The following PBLD variants were observed in gnomAD, a reference collection of about 807,000 sequenced individuals.
PBLD encodes the protein phenazine biosynthesis-like domain-containing protein.
In PBLD, 26 loss-of-function variants were observed where a neutral mutation model predicts 31.3. That is an observed-to-expected ratio of 0.83 (90% CI 0.61 to 1.15). The LOEUF (loss-of-function observed/expected upper bound fraction) is 1.15. PBLD is among the 50% of genes most tolerant of loss of function. The probability of loss-of-function intolerance (pLI) is 0.00; values close to 1 mark genes in which losing one functional copy is unlikely to be tolerated. For synonymous variants in PBLD, 114 were observed against 129.0 expected, an observed-to-expected ratio of 0.88 and a Z score of 0.79; for missense variants, 307 against 351.7, an observed-to-expected ratio of 0.87 and a Z score of 1.02.
At chr10:68,299,468 C>A (rs1363816970) in intron 2 of PBLD, among the ~76,000 whole-genome samples, 1 of 152,080 alleles carries the variant, frequency 6.6e-6, no homozygotes, top group East Asian at 1.9e-4. Context: ...GATTCAAAAT[C>A]TTTTGAAACA....
intron 4 of PBLD, among the ~76,000 whole-genome samples, chr10:68,293,792 T>C (rs1018624881): frequency 2.0e-5 from 3 of 151,992 alleles, no homozygotes; most frequent in African/African-American, 7.2e-5. Context: ...TTGGCCAACA[T>C]GGTAAAACCC....
At chr10:68,303,310 T>C (rs1037812833) in intron 2 of PBLD, among the ~76,000 whole-genome samples, 2 of 151,990 alleles carry the variant, frequency 1.3e-5, no homozygotes, top group African/African-American at 2.4e-5. Flanking sequence ...GGTCTCAAAC[T>C]CCTGACCTCA....
chr10:68,312,798 A>G (rs1390622757), intron 1 of PBLD, among the ~76,000 whole-genome samples: 1 of 151,080 alleles, frequency 6.6e-6, no homozygotes, highest in African/African-American at 2.4e-5. Flanking sequence ...TTTTTAGTAG[A>G]GACGGGGTTT....
In PBLD at chr10:68,286,106, G is replaced by A. The variant is rs868672307; in HGVS notation, c.692-696C>T. On this transcript the variant is annotated intron_variant, in intron 8 of 9. Transcript: ENST00000358769. ...AATTCTTTTTTTTTTTTTTTTTTTT[G>A]AGACGGAGTCTCGCTCTGTCGCCCA... Among the ~76,000 whole-genome samples the A allele has an allele frequency of 4.3e-4, 4 of 9,350 alleles. 1 individual carries two copies. Among genetic ancestry groups the A allele is most frequent in the Non-Finnish European group, 8.9e-4 (3 of 3,364 alleles). The allele number at this position is 9,350 out of a possible 152,430, so 6.1% of individuals were successfully genotyped here. A position where few individuals can be genotyped will look rare whatever the true frequency, so the allele number is the denominator to read the frequency against.
intron 1 of PBLD, among the ~76,000 whole-genome samples, chr10:68,308,939 G>A (rs535057441): frequency 6.7e-6 from 1 of 148,944 alleles, no homozygotes; most frequent in South Asian, 2.1e-4. Context: ...CATTTACCAC[G>A]TAAATGTAGG....
intron 2 of PBLD, among the ~76,000 whole-genome samples, chr10:68,297,639 C>G (rs773629608): frequency 2.0e-5 from 3 of 152,178 alleles, no homozygotes; most frequent in Non-Finnish European, 2.9e-5. Flanking sequence ...CATCCCAGCA[C>G]AGTAGGAGAT....
At chr10:68,317,051 G>T (rs2044745600) in intron 1 of PBLD, among the ~76,000 whole-genome samples, 1 of 152,110 alleles carries the variant, frequency 6.6e-6, no homozygotes, top group African/African-American at 2.4e-5. Context: ...AAACCAGCAA[G>T]AGAGACATAA....
At chr10:68,328,330 T>A (rs2044956149) in intron 1 of PBLD, among the ~76,000 whole-genome samples, 1 of 152,224 alleles carries the variant, frequency 6.6e-6, no homozygotes, top group South Asian at 2.1e-4. Flanking sequence ...TGAACAAATA[T>A]CTTAACCAAT....
At chr10:68,317,018 A>G (rs548993931) in intron 1 of PBLD, among the ~76,000 whole-genome samples, 2 of 152,214 alleles carry the variant, frequency 1.3e-5, no homozygotes, top group African/African-American at 4.8e-5. Context: ...ATCTCAAAAA[A>G]AAGAGAAAAC....
At chr10:68,296,471 C>T (rs1314080655) in intron 3 of PBLD, 107 bp from the exon 4 acceptor site, 9 of 759,556 alleles carry the variant, frequency 1.2e-5, no homozygotes, top group Non-Finnish European at 1.5e-5. Context: ...GATGAGTAGC[C>T]AAAACATGTT....
At chr10:68,320,331 A>G (rs771789729) in intron 1 of PBLD, among the ~76,000 whole-genome samples, 16 of 152,336 alleles carry the variant, frequency 1.1e-4, no homozygotes, top group Non-Finnish European at 2.2e-4. Context: ...TAAGACAATT[A>G]TAAACATATA....
At chr10:68,330,902 TG>T (rs2045052025) in intron 1 of PBLD, among the ~76,000 whole-genome samples, 1 of 152,188 alleles carries the variant, frequency 6.6e-6, no homozygotes, top group African/African-American at 2.4e-5. Flanking sequence ...TCTCCCAGAC[TG>T]GAGTGCACTG....
chr10:68,283,907 C>A lies in PBLD; in HGVS notation c.*270G>T. On this transcript the variant is annotated 3_prime_UTR_variant, in exon 10 of 10. Coordinates refer to ENST00000358769, the MANE Select transcript of PBLD (RefSeq NM_022129.4). ...AATTACAGGCATGTGGCACCACACC[C>A]AGCTAATTTTTGTATTTGTAGTAGA... 3.6e-6 allele frequency: 1 copy of A among 279,820 alleles called. No homozygotes were observed. Among genetic ancestry groups the A allele is most frequent in the Non-Finnish European group, 6.9e-6 (1 of 145,014 alleles). The allele number at this position is 279,820 out of a possible 1,614,324, so 17.3% of individuals were successfully genotyped here.
In PBLD at chr10:68,283,162, G is replaced by C. The variant is rs2044249434; in HGVS notation, c.*1015C>G. The C allele has an allele frequency of 6.6e-6, 1 of 151,976 alleles. No individual in the cohort carries two copies. The highest frequency in any genetic ancestry group is 1.5e-5 in the Non-Finnish European group (1 of 68,008). The allele number at this position is 151,976 out of a possible 1,614,324, so 9.4% of individuals were successfully genotyped here. A position where few individuals can be genotyped will look rare whatever the true frequency, so the allele number is the denominator to read the frequency against. On this transcript the variant is annotated 3_prime_UTR_variant, in exon 10 of 10. Coordinates refer to ENST00000358769, the MANE Select transcript of PBLD (RefSeq NM_022129.4). ...TCCTGCCAAAGTGCTGGGATTACAG[G>C]CATGAGCCGCCACGCCCAGCTGAGA...
rs781618735 is a variant in PBLD, at chr10:68,292,007, A to G, written c.423+3T>C. 6.3e-7 allele frequency: 1 copy of G among 1,583,494 alleles called. No homozygotes were observed. Among genetic ancestry groups the G allele is most frequent in the Non-Finnish European group, 8.7e-7 (1 of 1,152,202 alleles). ...AGGCTCAGGTTTGATTCTTTTTACCAACCTTTATCAAGTCCTCTACTTCAT... is the reference window on the plus strand; with the variant it reads ...AGGCTCAGGTTTGATTCTTTTTACCGACCTTTATCAAGTCCTCTACTTCAT... On this transcript the variant is annotated splice_donor_region_variant and intron_variant, in intron 6 of 9. Transcript: ENST00000358769.
chr10:68,324,134 C>T (rs1484319725), intron 1 of PBLD, among the ~76,000 whole-genome samples: 3 of 151,844 alleles, frequency 2.0e-5, no homozygotes, highest in African/African-American at 7.3e-5. Context: ...CTAAACCCTG[C>T]TGATAAATAG....
chr10:68,286,196 T>G (rs2134418982), intron 8 of PBLD, among the ~76,000 whole-genome samples: 1 of 148,424 alleles, frequency 6.7e-6, no homozygotes, highest in South Asian at 2.1e-4. Context: ...AAAGTGATTC[T>G]CCTGTCTCAG....
rs1589647000 is a variant in PBLD, at chr10:68,288,277, A to G, written c.691+206T>C. On this transcript the variant is annotated intron_variant, in intron 8 of 9. Transcript: ENST00000358769. ...TGTAAACCCAGGCTGTCTGACACTC[A>G]GGTTTAACCCTGTTATCCACCTGCT... 5 of 560,172 alleles carry G rather than the reference A, an allele frequency of 8.9e-6. No homozygotes were observed. In the African/African-American group the frequency reaches 9.4e-5, roughly 11 times the overall value. The allele number at this position is 560,172 out of a possible 1,614,324, so 34.7% of individuals were successfully genotyped here. A position where few individuals can be genotyped will look rare whatever the true frequency, so the allele number is the denominator to read the frequency against.
At position 68,332,791 on chromosome 10, in the gene PBLD, G is replaced by A. The variant is rs1289932134; in HGVS notation, c.-67C>T. On this transcript the variant is annotated 5_prime_UTR_variant, in exon 1 of 10. Transcript: ENST00000358769. ...CAGTCTCGGCAGGGCTACCTGGGCT[G>A]ACGGGACTGCGAGTGACTTCTGACG... 2 of 152,308 alleles carry A rather than the reference G, an allele frequency of 1.3e-5. No homozygotes were observed. Among genetic ancestry groups the A allele is most frequent in the Non-Finnish European group, 2.9e-5 (2 of 68,100 alleles). 9.4% of individuals were successfully genotyped at this position (152,308 alleles called of 1,614,324 possible). A position where few individuals can be genotyped will look rare whatever the true frequency, so the allele number is the denominator to read the frequency against.
Sources: allele counts gnomAD v4.1 joint callset (sites outside exome capture counted in the v4.1 genomes callset), GRCh38; gene constraint gnomAD v4.1.1; transcripts MANE v1.5; gene names NCBI Gene and HGNC (gene_info 2026-07-23, HGNC 2026-07-21).